ZNF423: variants seen among roughly 807,000 people sequenced by gnomAD.
ZNF423 encodes the protein zinc finger protein 423, also known as Ebf-associated zinc finger protein.
Under a neutral mutation model 95.8 loss-of-function variants are expected in ZNF423, and 12 were observed. The ratio of observed to expected loss-of-function variants is 0.13; its 90% CI spans 0.08 to 0.20. ZNF423 has a LOEUF of 0.20. Ranked by LOEUF, ZNF423 falls within the 10% of genes least tolerant of loss-of-function variation. The pLI is 1.00. For synonymous variants in ZNF423, 749 were observed against 711.9 expected, an observed-to-expected ratio of 1.05 and a Z score of -0.83; for missense variants, 1,316 against 1,737.1, an observed-to-expected ratio of 0.76 and a Z score of 4.31.
chr16:49,778,910 A>G (rs934959111), intron 2 of ZNF423, among the ~76,000 whole-genome samples: 3 of 152,186 alleles, frequency 2.0e-5, no homozygotes, highest in African/African-American at 7.2e-5. Flanking sequence ...CATCCTCACA[A>G]TGGCCTTAGG....
intron 3 of ZNF423, among the ~76,000 whole-genome samples, chr16:49,725,680 G>T (rs1001700478): frequency 6.6e-6 from 1 of 152,208 alleles, no homozygotes; most frequent in Non-Finnish European, 1.5e-5. Context: ...GCTGCAGGGC[G>T]TGTGTTCCAG....
chr16:49,646,933 A>G (rs912116722), intron 3 of ZNF423, among the ~76,000 whole-genome samples: 2 of 152,160 alleles, frequency 1.3e-5, no homozygotes, highest in Non-Finnish European at 2.9e-5. Flanking sequence ...ATTCTCACAC[A>G]TTCCCTATGA....
chr16:49,805,215 A>G (rs999686047), intron 1 of ZNF423, among the ~76,000 whole-genome samples: 1 of 152,142 alleles, frequency 6.6e-6, no homozygotes, highest in Non-Finnish European at 1.5e-5. Context: ...CCCTTTAGGG[A>G]AAGTCTCTCC....
intron 3 of ZNF423, among the ~76,000 whole-genome samples, chr16:49,656,888 T>G (rs2029900881): frequency 6.6e-6 from 1 of 152,168 alleles, no homozygotes; most frequent in Non-Finnish European, 1.5e-5. Context: ...AAACTGAGGC[T>G]TATAAAGGTT....
At chr16:49,847,197 T>C (rs1295783783) in intron 1 of ZNF423, 1 of 152,106 alleles carries the variant, frequency 6.6e-6, no homozygotes, top group Admixed American at 6.5e-5. Context: ...AGCGAGGCAG[T>C]GAAGAGTTTG....
chr16:49,696,771 C>A (rs1489601053), intron 3 of ZNF423, among the ~76,000 whole-genome samples: 1 of 152,148 alleles, frequency 6.6e-6, no homozygotes, highest in African/African-American at 2.4e-5. Flanking sequence ...GCCCCCCCCA[C>A]CCAGGGTGGA....
intron 7 of ZNF423, 60 bp from the exon 8 acceptor site, chr16:49,491,364 C>T: frequency 6.2e-7 from 1 of 1,601,920 alleles, no homozygotes; most frequent in Non-Finnish European, 8.5e-7. Context: ...ATGCTCGTCC[C>T]TCCCACTCAG....
intron 2 of ZNF423, among the ~76,000 whole-genome samples, chr16:49,743,052 C>T (rs971523197): frequency 6.6e-6 from 1 of 152,118 alleles, no homozygotes; most frequent in Admixed American, 6.5e-5. Context: ...TTTTAAAAAC[C>T]ATGCACCTTA....
chr16:49,550,731 T>C (rs1969601911), intron 5 of ZNF423, among the ~76,000 whole-genome samples: 1 of 152,226 alleles, frequency 6.6e-6, no homozygotes, highest in African/African-American at 2.4e-5. Context: ...GACAAGGGAA[T>C]GTAGGTCTCC....
At chr16:49,718,916 T>C (rs973219612) in intron 3 of ZNF423, among the ~76,000 whole-genome samples, 1 of 152,164 alleles carries the variant, frequency 6.6e-6, no homozygotes, top group Non-Finnish European at 1.5e-5. Flanking sequence ...ATTCAGACCA[T>C]AGCCAGTTAT....
intron 1 of ZNF423, among the ~76,000 whole-genome samples, chr16:49,839,058 C>T (rs2035154496): frequency 6.7e-6 from 1 of 150,168 alleles, no homozygotes; most frequent in East Asian, 2.0e-4. Context: ...CCAGCCATCC[C>T]CCCTCTTCCC....
chr16:49,554,344 G>A (rs537930679), intron 5 of ZNF423, among the ~76,000 whole-genome samples: 11 of 152,198 alleles, frequency 7.2e-5, no homozygotes, highest in East Asian at 1.9e-4. Context: ...GCCATAGCTC[G>A]GAGGCAAGAC....
intron 5 of ZNF423, among the ~76,000 whole-genome samples, chr16:49,556,364 A>T (rs1301447415): frequency 6.6e-6 from 1 of 152,122 alleles, no homozygotes; most frequent in African/African-American, 2.4e-5. Context: ...GCAGAATCAG[A>T]TGCCCCTTCT....
chr16:49,713,129 G>A (rs371388851), intron 3 of ZNF423, among the ~76,000 whole-genome samples: 76 of 152,290 alleles, frequency 5.0e-4, no homozygotes, highest in South Asian at 3.9e-3. Context: ...CAAGACCAAA[G>A]TGCTGGCAAT....
chr16:49,762,376 C>T (rs1023120458), intron 2 of ZNF423, among the ~76,000 whole-genome samples: 3 of 152,190 alleles, frequency 2.0e-5, no homozygotes, highest in Non-Finnish European at 2.9e-5. Context: ...GCTATAGGAG[C>T]CCATGATGCC....
chr16:49,842,293 G>GGAGGC (rs2035192506), intron 1 of ZNF423, among the ~76,000 whole-genome samples: 3 of 41,046 alleles, frequency 7.3e-5, no homozygotes, highest in Non-Finnish European at 1.1e-4. Context: ...GGAGGGGAGG[G>GGAGGC]GAGGGGAGGG....
intron 7 of ZNF423, among the ~76,000 whole-genome samples, chr16:49,506,927 G>A (rs1218097019): frequency 6.6e-6 from 1 of 152,126 alleles, no homozygotes; most frequent in Non-Finnish European, 1.5e-5. Context: ...ATTGGTGGGT[G>A]GATGGATAAA....
chr16:49,774,579 T>C (rs1430491377), intron 2 of ZNF423, among the ~76,000 whole-genome samples: 1 of 152,180 alleles, frequency 6.6e-6, no homozygotes, highest in African/African-American at 2.4e-5. Flanking sequence ...AGCCTCAGTT[T>C]CCCTAACTGC....
At chr16:49,642,807 T>C (rs943211488) in intron 3 of ZNF423, among the ~76,000 whole-genome samples, 45 of 143,214 alleles carry the variant, frequency 3.1e-4, no homozygotes, top group African/African-American at 1.2e-3. Context: ...TTTTCTTTTT[T>C]TTTTTTTTTT....
Sources: allele counts gnomAD v4.1 joint callset (sites outside exome capture counted in the v4.1 genomes callset), GRCh38; gene constraint gnomAD v4.1.1; transcripts MANE v1.5; gene names NCBI Gene and HGNC (gene_info 2026-07-23, HGNC 2026-07-21).